TENM2: variants seen among roughly 807,000 people sequenced by gnomAD.
TENM2 encodes the protein teneurin transmembrane protein 2.
A neutral mutation model predicts 245.2 loss-of-function variants in TENM2; 52 were observed. The observed-to-expected ratio is 0.21, with a 90% CI of 0.17 to 0.27. TENM2 has a LOEUF of 0.27. TENM2 is among the 10% of genes least tolerant of loss of function. The pLI, the probability that TENM2 is intolerant of heterozygous loss-of-function variation, is 1.00. For missense variants in TENM2, 3,046 were observed against 3,666.8 expected, an observed-to-expected ratio of 0.83 and a Z score of 4.37; for synonymous variants, 1,363 against 1,438.9, an observed-to-expected ratio of 0.95 and a Z score of 1.19.
At chr5:167,772,921 G>A (rs916198210) in intron 2 of TENM2, among the ~76,000 whole-genome samples, 7 of 152,022 alleles carry the variant, frequency 4.6e-5, no homozygotes, top group Non-Finnish European at 8.8e-5. Flanking sequence ...TTAAAACTTT[G>A]TACTTGTACC....
intron 2 of TENM2, among the ~76,000 whole-genome samples, chr5:167,586,148 A>C (rs2546497): frequency 7.2e-6 from 1 of 138,168 alleles, no homozygotes; most frequent in Admixed American, 7.8e-5. Flanking sequence ...AAGTAAGAGT[A>C]CGATAATAAA....
At chr5:168,203,869 G>C (rs1762133791) in intron 18 of TENM2, 37 bp downstream of exon 20, 1 of 1,560,128 alleles carries the variant, frequency 6.4e-7, no homozygotes, top group Non-Finnish European at 8.8e-7. Context: ...ATACAGCCTT[G>C]CCACTTCTCT....
chr5:167,895,850 C>G (rs1775173068), intron 3 of TENM2, among the ~76,000 whole-genome samples: 1 of 152,168 alleles, frequency 6.6e-6, no homozygotes, highest in African/African-American at 2.4e-5. Context: ...GTTTATACTG[C>G]CTTTGTTAAT....
intron 1 of TENM2, among the ~76,000 whole-genome samples, chr5:167,303,592 T>C (rs1425984749): frequency 6.6e-6 from 1 of 152,130 alleles, no homozygotes; most frequent in Non-Finnish European, 1.5e-5. Context: ...TGGAATGTCA[T>C]CATTTAAGGC....
chr5:168,259,050 G>A (rs768443807), intron 27 of TENM2, among the ~76,000 whole-genome samples: 158 of 151,498 alleles, frequency 1.0e-3, no homozygotes, highest in Non-Finnish European at 2.0e-3. Flanking sequence ...GCCAGGCGTG[G>A]TGGCGGGCAC....
intron 2 of TENM2, among the ~76,000 whole-genome samples, chr5:167,842,802 A>T (rs182686105): frequency 2.0e-5 from 3 of 152,144 alleles, no homozygotes; most frequent in East Asian, 3.9e-4. Context: ...TCTAACCCTT[A>T]GCTCTAATCT....
At chr5:167,607,612 A>C (rs988702228) in intron 2 of TENM2, among the ~76,000 whole-genome samples, 1 of 152,216 alleles carries the variant, frequency 6.6e-6, no homozygotes, top group Non-Finnish European at 1.5e-5. Flanking sequence ...CCACAAACAA[A>C]ATACATTGCC....
chr5:167,918,426 C>A (rs1777109379), intron 3 of TENM2, among the ~76,000 whole-genome samples: 1 of 152,196 alleles, frequency 6.6e-6, no homozygotes. Flanking sequence ...GGACACGTCA[C>A]CACCTGCACG....
chr5:167,973,197 GA>G (rs1419490075), intron 4 of TENM2, among the ~76,000 whole-genome samples: 1 of 152,236 alleles, frequency 6.6e-6, no homozygotes, highest in African/African-American at 2.4e-5. Flanking sequence ...TCAAGGGCTT[GA>G]AAATCTGGCG....
At chr5:167,810,185 G>A (rs1766528599) in intron 2 of TENM2, among the ~76,000 whole-genome samples, 1 of 152,084 alleles carries the variant, frequency 6.6e-6, no homozygotes, top group African/African-American at 2.4e-5. Flanking sequence ...CAATCCAAAT[G>A]CAAACATGTT....
At chr5:168,237,987 A>G (rs1243353084) in intron 25 of TENM2, among the ~76,000 whole-genome samples, 2 of 151,198 alleles carry the variant, frequency 1.3e-5, no homozygotes, top group African/African-American at 4.9e-5. Context: ...CTAAAAAAAT[A>G]CAAAAAAATT....
chr5:167,069,912 G>T, the TENM2 span, among the ~76,000 whole-genome samples: 1 of 152,020 alleles, frequency 6.6e-6, no homozygotes, highest in East Asian at 1.9e-4. Context: ...AGTTTGCCTA[G>T]TTCTGTCATT....
chr5:168,048,391 C>T (rs912181210), intron 6 of TENM2, among the ~76,000 whole-genome samples: 2 of 152,254 alleles, frequency 1.3e-5, no homozygotes, highest in South Asian at 4.2e-4. Flanking sequence ...TGCCTTTTAG[C>T]ATCTATAGCC....
At chr5:167,847,726 A>G (rs999997466) in intron 2 of TENM2, among the ~76,000 whole-genome samples, 3 of 152,258 alleles carry the variant, frequency 2.0e-5, no homozygotes, top group Non-Finnish European at 4.4e-5. Flanking sequence ...ACTAAATCTC[A>G]GAGCAAAACT....
chr5:168,227,511 CCTTT>C (rs1226958514), intron 24 of TENM2, among the ~76,000 whole-genome samples: 8 of 146,956 alleles, frequency 5.4e-5, no homozygotes, highest in Admixed American at 4.0e-4. Context: ...AAGTCATTTG[CCTTT>C]CTTTTTTTTT....
intron 1 of TENM2, among the ~76,000 whole-genome samples, chr5:167,332,993 A>C (rs1404419237): frequency 1.3e-5 from 2 of 152,198 alleles, no homozygotes; most frequent in Non-Finnish European, 2.9e-5. Context: ...GTTTGTTTAA[A>C]AGGTAAAGGG....
intron 2 of TENM2, among the ~76,000 whole-genome samples, chr5:167,813,495 T>C (rs1361788184): frequency 6.6e-6 from 1 of 151,962 alleles, no homozygotes; most frequent in African/African-American, 2.4e-5. Context: ...AGCAGGGAGA[T>C]GCATGTCTGT....
Position 168,047,550 on chromosome 5 carries a change from G to A in TENM2, c.1309+1G>A, listed in dbSNP as rs1405143022. 6.4e-7 allele frequency: 1 copy of A among 1,551,682 alleles called. No individual in the cohort carries two copies. The highest frequency in any genetic ancestry group is 8.7e-7 in the Non-Finnish European group (1 of 1,146,968). On this transcript the variant is annotated splice_donor_variant, in intron 6 of 28. Coordinates refer to ENST00000518659, the Ensembl canonical transcript of TENM2. LOFTEE classifies it high-confidence loss of function. ...GCAACAATGCCATCTGGAGGCAAAG[G>A]TGAGGTTACAGCTGCTGCTTGCCCT...
At position 168,247,804 on chromosome 5, in the gene TENM2, G is replaced by A. The variant is rs891876642; in HGVS notation, c.6865G>A (p.Ala2289Thr). ...CAATTCCAAGGGCCTCCTAACAAGA[G>A]CCTACAACAAGGCCAGCGGGTGGAG... The change falls in exon 27 of 29, where the codon GCC (alanine) becomes ACC (threonine). Residue 2289 changes from alanine to threonine, a missense_variant. Physicochemically the swap from Ala to Thr is moderately conservative, Grantham distance 58. This residue lies in a region of TENM2 where 2,704 missense variants were observed against 3,331.9 expected (regional missense o/e 0.81). Transcript: ENST00000518659. This position sits in a 1 kb window ranked among gnomAD's most constrained non-coding sequence, Gnocchi z 7.8. 1.2e-5 allele frequency: 20 copies of A among 1,613,876 alleles called. No individual in the cohort carries two copies. Among genetic ancestry groups the A allele is most frequent in the Non-Finnish European group, 1.6e-5 (19 of 1,179,894 alleles).
Sources: gnomAD v4.1 joint callset for allele counts (sites outside exome capture counted in the v4.1 genomes callset) on GRCh38, gnomAD v4.1.1 for gene constraint, gnomAD v4.1.1 regional missense constraint, Gnocchi (gnomAD v3.1) non-coding constraint, MANE v1.5 for transcripts, NCBI Gene and HGNC (gene_info 2026-07-23, HGNC 2026-07-21) for gene names.